The following NSMCE2 variants were observed in gnomAD, a reference collection of about 807,000 sequenced individuals.
The protein encoded by NSMCE2 is E3 SUMO-protein ligase NSE2.
A neutral mutation model predicts 23.8 loss-of-function variants in NSMCE2; 24 were observed. The observed-to-expected ratio is 1.01, with a 90% CI of 0.73 to 1.42. The LOEUF (loss-of-function observed/expected upper bound fraction) is 1.42, where lower values mean the gene tolerates loss of function less well. NSMCE2 is among the 40% of genes most tolerant of loss of function. The pLI is 0.00. For missense variants in NSMCE2, 284 were observed against 296.5 expected (o/e 0.96, Z 0.31); for synonymous variants, 92 against 94.1 (o/e 0.98, Z 0.13).
chr8:125,314,732 G>A (rs918850129), intron 5 of NSMCE2, among the ~76,000 whole-genome samples: 13 of 152,262 alleles, frequency 8.5e-5, no homozygotes, highest in Non-Finnish European at 1.5e-4. Flanking sequence ...TAAATACTGT[G>A]TAGGGACTTG....
At chr8:125,243,312 A>G (rs774303474) in intron 5 of NSMCE2, among the ~76,000 whole-genome samples, 2 of 152,160 alleles carry the variant, frequency 1.3e-5, no homozygotes, top group Non-Finnish European at 2.9e-5. Flanking sequence ...AAGTAGTGCT[A>G]TGTTTAAAGT....
chr8:125,313,220 AAAG>A (rs1218708941), intron 5 of NSMCE2, among the ~76,000 whole-genome samples: 7 of 150,910 alleles, frequency 4.6e-5, no homozygotes, highest in Admixed American at 6.6e-5. Context: ...GAAAGAAAAG[AAAG>A]AAAAAGAAGA....
chr8:125,184,440 A>C (rs1822994659), intron 5 of NSMCE2, among the ~76,000 whole-genome samples: 1 of 152,140 alleles, frequency 6.6e-6, no homozygotes, highest in African/African-American at 2.4e-5. Flanking sequence ...GTCAAACCTT[A>C]TGTATATTTA....
chr8:125,152,202 C>T (rs1040306656), intron 4 of NSMCE2, among the ~76,000 whole-genome samples: 1 of 152,136 alleles, frequency 6.6e-6, no homozygotes, highest in Admixed American at 6.6e-5. Flanking sequence ...ATAATAAACT[C>T]ATTCAGCTTG....
rs369548797 is a variant in NSMCE2, at chr8:125,279,098, C to T, written c.419-78121C>T. ...TGCCATCTCCAAAAGTTTAGAGTTGCCAGTTAAATACATATATATTTTTCA... is the reference window on the plus strand; with the variant it reads ...TGCCATCTCCAAAAGTTTAGAGTTGTCAGTTAAATACATATATATTTTTCA... On this transcript the variant is annotated intron_variant, in intron 5 of 7. Transcript: ENST00000287437. 5.3e-5 allele frequency among the ~76,000 whole-genome samples: 8 copies of T among 152,226 alleles called. No homozygotes were observed. The East Asian group carries it at 1.5e-3, about 29-fold the overall frequency.
rs1387354813 is a variant in NSMCE2, at chr8:125,110,759, G to GTTTTT, written c.157+8274_157+8275insTTTTT. Among the ~76,000 whole-genome samples, 29 of 58,118 alleles carry GTTTTT rather than the reference G, an allele frequency of 5.0e-4. 1 individual carries two copies. Among genetic ancestry groups the GTTTTT allele is most frequent in the African/African-American group, 2.0e-3 (28 of 13,768 alleles). 38.1% of individuals were successfully genotyped at this position (58,118 alleles called of 152,430 possible). On this transcript the variant is annotated intron_variant, in intron 3 of 7. Coordinates refer to ENST00000287437, the MANE Select transcript of NSMCE2 (RefSeq NM_173685.4). ...TTTTGCTTAGATAATTTTGGTTGTT[G>GTTTTT]TTGTTTTTTTTTTTTTTTTTTTTTT...
At chr8:125,115,015 A>T (rs745598940) in intron 3 of NSMCE2, among the ~76,000 whole-genome samples, 3 of 152,192 alleles carry the variant, frequency 2.0e-5, no homozygotes, top group Middle Eastern at 3.4e-3. Context: ...CCCTCACTGG[A>T]CTGTATGTCC....
At chr8:125,228,407 T>C (rs894286120) in intron 5 of NSMCE2, among the ~76,000 whole-genome samples, 1 of 152,290 alleles carries the variant, frequency 6.6e-6, no homozygotes, top group African/African-American at 2.4e-5. Flanking sequence ...CATATGTAAA[T>C]ATGTGATAAT....
At chr8:125,318,988 T>G (rs894753720) in intron 5 of NSMCE2, among the ~76,000 whole-genome samples, 2 of 152,248 alleles carry the variant, frequency 1.3e-5, no homozygotes, top group East Asian at 3.9e-4. Flanking sequence ...AGCACATGCA[T>G]GTGAAGAAAC....
intron 3 of NSMCE2, among the ~76,000 whole-genome samples, chr8:125,105,715 C>T (rs117245903): frequency 5.6e-4 from 86 of 152,264 alleles, no homozygotes; most frequent in Non-Finnish European, 1.0e-3. Flanking sequence ...AATGAATGGG[C>T]ATGGCTGTGG....
At chr8:125,322,934 C>T (rs968286968) in intron 5 of NSMCE2, among the ~76,000 whole-genome samples, 2 of 152,194 alleles carry the variant, frequency 1.3e-5, no homozygotes, top group African/African-American at 2.4e-5. Flanking sequence ...TGACGCATGC[C>T]TGTGATCCCA....
intron 5 of NSMCE2, among the ~76,000 whole-genome samples, chr8:125,219,998 C>T (rs1824780293): frequency 6.6e-6 from 1 of 152,184 alleles, no homozygotes; most frequent in South Asian, 2.1e-4. Flanking sequence ...AAACTTCCCT[C>T]TTGCTATTAA....
At chr8:125,209,015 T>C (rs991238063) in intron 5 of NSMCE2, among the ~76,000 whole-genome samples, 1 of 152,200 alleles carries the variant, frequency 6.6e-6, no homozygotes, top group Non-Finnish European at 1.5e-5. Flanking sequence ...TCTTGCTGTG[T>C]TGCCCAGGCT....
chr8:125,137,405 C>T (rs951431575), intron 3 of NSMCE2, among the ~76,000 whole-genome samples: 13 of 152,082 alleles, frequency 8.5e-5, no homozygotes, highest in African/African-American at 3.1e-4. Flanking sequence ...TGACCCTATT[C>T]GTATCTTTTT....
intron 5 of NSMCE2, among the ~76,000 whole-genome samples, chr8:125,257,814 G>A (rs1417336938): frequency 1.3e-5 from 2 of 152,178 alleles, no homozygotes; most frequent in East Asian, 1.9e-4. Context: ...GATTACAGGC[G>A]TGAGCCACCG....
chr8:125,127,359 G>T (rs576791263), intron 3 of NSMCE2, among the ~76,000 whole-genome samples: 6 of 152,254 alleles, frequency 3.9e-5, no homozygotes, highest in African/African-American at 1.2e-4. Context: ...GTGTGTTTCT[G>T]TGTGGGGGGA....
At chr8:125,211,411 A>G (rs963977230) in intron 5 of NSMCE2, among the ~76,000 whole-genome samples, 1 of 152,190 alleles carries the variant, frequency 6.6e-6, no homozygotes, top group Non-Finnish European at 1.5e-5. Context: ...TATATTTTGA[A>G]TATTCCATAT....
intron 5 of NSMCE2, among the ~76,000 whole-genome samples, chr8:125,341,360 G>A (rs1201171294): frequency 6.6e-6 from 1 of 152,146 alleles, no homozygotes; most frequent in Non-Finnish European, 1.5e-5. Flanking sequence ...AGCAAGTTCT[G>A]AGAGTCTTTT....
intron 5 of NSMCE2, among the ~76,000 whole-genome samples, chr8:125,304,956 GAAGA>G (rs1355185498): frequency 7.3e-6 from 1 of 136,754 alleles, no homozygotes; most frequent in East Asian, 2.1e-4. Context: ...AGGAAGGAAG[GAAGA>G]AAGAAAGAAA....
Sources: allele counts gnomAD v4.1 joint callset (sites outside exome capture counted in the v4.1 genomes callset), GRCh38; gene constraint gnomAD v4.1.1; transcripts MANE v1.5; gene names NCBI Gene and HGNC (gene_info 2026-07-23, HGNC 2026-07-21).